C15orf61: variants seen among roughly 807,000 people sequenced by gnomAD.
C15orf61 encodes chromosome 15 open reading frame 61.
C15orf61 carries 12 observed loss-of-function variants against 13.7 expected under a neutral mutation model. The ratio of observed to expected loss-of-function variants is 0.88; its 90% CI spans 0.56 to 1.42. The LOEUF is 1.42. Ranked by LOEUF, C15orf61 falls within the 40% of genes most tolerant of loss-of-function variation. The pLI is 0.00. For synonymous variants in C15orf61, 92 were observed against 94.1 expected (o/e 0.98, Z 0.13); for missense variants, 248 against 213.2 (o/e 1.16, Z -1.02).
At position 67,521,466 on chromosome 15, in the gene C15orf61, A is replaced by G. The variant is rs2084161476; in HGVS notation, c.218A>G (p.Gln73Arg). 6.5e-7 allele frequency: 1 copy of G among 1,548,220 alleles called. No homozygotes were observed. The highest frequency in any genetic ancestry group is 8.7e-7 in the Non-Finnish European group (1 of 1,146,744). The change falls in exon 1 of 2, where the codon CAG becomes CGG. Residue 73 changes from glutamine (Q) to arginine (R), a missense_variant. Gln to Arg is a conservative substitution (Grantham distance 43, BLOSUM62 1). Coordinates refer to ENST00000342683, the MANE Select transcript of C15orf61 (RefSeq NM_001143936.2). ...CTCTCGCACTTCAACTGGCCGGTGC[A>G]GGGCGCCAACTACCACGTCCTGCGC... ...FGLSHFNWPV[Q>R]GANYHVLRTG...
chr15:67,523,108 A>C (rs1200533704), intron 1 of C15orf61, among the ~76,000 whole-genome samples: 1 of 152,224 alleles, frequency 6.6e-6, no homozygotes, highest in Non-Finnish European at 1.5e-5. Flanking sequence ...ACATTCTAAA[A>C]ATCCTGCTAA....
At chr15:67,522,251 A>G (rs1416850909) in intron 1 of C15orf61, 8 of 700,490 alleles carry the variant, frequency 1.1e-5, no homozygotes, top group East Asian at 2.7e-5. Context: ...AGGTACGAAC[A>G]TGGACATGGG....
At position 67,521,263 on chromosome 15, in the gene C15orf61, G is replaced by A; in HGVS notation, c.15G>A (p.Arg5=). 1 of 1,391,940 alleles carries A rather than the reference G, an allele frequency of 7.2e-7. No individual in the cohort carries two copies. The highest frequency in any genetic ancestry group is 9.3e-7 in the Non-Finnish European group (1 of 1,074,030). The allele number at this position is 1,391,940 out of a possible 1,614,324, so 86.2% of individuals were successfully genotyped here. The change falls in exon 1 of 2, where the codon AGG becomes AGA. Residue 5 remains arginine, a synonymous_variant. Coordinates refer to ENST00000342683, the MANE Select transcript of C15orf61 (RefSeq NM_001143936.2). The part of the protein sequence containing the change: MEAL[R]RAHEVALRLL... The stretch of plus-strand genomic sequence containing the variant: ...CGCGGCGGGCCATGGAGGCCCTGAG[G>A]AGGGCCCACGAGGTCGCGCTCCGCC...
chr15:67,526,614 TC>T lies in C15orf61; in HGVS notation c.*71del. On this transcript the variant is annotated 3_prime_UTR_variant, in exon 2 of 2. Coordinates refer to ENST00000342683, the MANE Select transcript of C15orf61 (RefSeq NM_001143936.2). ...GTATATGTGCAGTATTTATTTTTGA[TC>T]CTTTAAAATAAAACTTTTGCAAATA... The T allele has an allele frequency of 7.5e-7, 1 of 1,339,660 alleles. No homozygotes were observed. The highest frequency in any genetic ancestry group is 1.9e-5 in the South Asian group (1 of 52,810). 83.0% of individuals were successfully genotyped at this position (1,339,660 alleles called of 1,614,324 possible). A position where few individuals can be genotyped will look rare whatever the true frequency, so the allele number is the denominator to read the frequency against.
rs1187574821 is a variant in C15orf61, at chr15:67,526,569, T to C, written c.*24T>C. 4.0e-6 allele frequency: 6 copies of C among 1,483,694 alleles called. No homozygotes were observed. The highest frequency in any genetic ancestry group is 5.4e-6 in the Non-Finnish European group (6 of 1,111,444). 91.9% of individuals were successfully genotyped at this position (1,483,694 alleles called of 1,614,324 possible). A position where few individuals can be genotyped will look rare whatever the true frequency, so the allele number is the denominator to read the frequency against. Reference sequence around the variant, plus strand: ...GAAAGTGTGCGTCAAAGAACATAAATATCAGTGGATTTTCTCTGTGTATAT... The same window carrying C: ...GAAAGTGTGCGTCAAAGAACATAAACATCAGTGGATTTTCTCTGTGTATAT... On this transcript the variant is annotated 3_prime_UTR_variant, in exon 2 of 2. Transcript: ENST00000342683.
At position 67,527,037 on chromosome 15, in the gene C15orf61, G is replaced by C. The variant is rs907126710; in HGVS notation, c.*492G>C. 1.3e-5 allele frequency: 2 copies of C among 152,200 alleles called. No homozygotes were observed. The highest frequency in any genetic ancestry group is 4.8e-5 in the African/African-American group (2 of 41,460). The allele number at this position is 152,200 out of a possible 1,614,324, so 9.4% of individuals were successfully genotyped here. A position where few individuals can be genotyped will look rare whatever the true frequency, so the allele number is the denominator to read the frequency against. On this transcript the variant is annotated 3_prime_UTR_variant, in exon 2 of 2. Transcript: ENST00000342683. ...CAAGTCTAAACCATTCAGCTGCCAG[G>C]ATTGTAAATAGAAACGTTTTAAAGG...
At position 67,527,136 on chromosome 15, in the gene C15orf61, C is replaced by T. The variant is rs2084203345; in HGVS notation, c.*591C>T. On this transcript the variant is annotated 3_prime_UTR_variant, in exon 2 of 2. Coordinates refer to ENST00000342683, the MANE Select transcript of C15orf61 (RefSeq NM_001143936.2). Reference sequence around the variant, plus strand: ...TCTTGTTGCTTAAAGAGTCCAAAACCATATCGTTTGTAAAATGTAATAATA... The same window carrying T: ...TCTTGTTGCTTAAAGAGTCCAAAACTATATCGTTTGTAAAATGTAATAATA... 1 of 152,094 alleles carries T rather than the reference C, an allele frequency of 6.6e-6. No individual in the cohort carries two copies. The highest frequency in any genetic ancestry group is 2.4e-5 in the African/African-American group (1 of 41,418). The allele number at this position is 152,094 out of a possible 1,614,324, so 9.4% of individuals were successfully genotyped here.
chr15:67,522,372 G>T, intron 1 of C15orf61: 1 of 640,156 alleles, frequency 1.6e-6, no homozygotes, highest in Non-Finnish European at 2.8e-6. Flanking sequence ...TAGCCATGGA[G>T]CTGAATGAAC....
At chr15:67,522,030 T>C in intron 1 of C15orf61, 1 of 699,668 alleles carries the variant, frequency 1.4e-6, no homozygotes, top group Non-Finnish European at 2.6e-6. Context: ...ACTACTCTTT[T>C]AAGTTTCTTT....
chr15:67,522,261 G>C (rs2084170910), intron 1 of C15orf61: 3 of 700,218 alleles, frequency 4.3e-6, no homozygotes, highest in Non-Finnish European at 7.8e-6. Context: ...ATGGACATGG[G>C]TGTATCTTTT....
chr15:67,525,194 T>G lies in C15orf61; in HGVS notation c.347-1224T>G, dbSNP rs549092771. Among the ~76,000 whole-genome samples the G allele has an allele frequency of 1.3e-5, 2 of 152,362 alleles. No homozygotes were observed. Among genetic ancestry groups the G allele is most frequent in the Admixed American group, 6.5e-5 (1 of 15,302 alleles). On this transcript the variant is annotated intron_variant, in intron 1 of 1. Coordinates refer to ENST00000342683, the MANE Select transcript of C15orf61 (RefSeq NM_001143936.2). This position sits in a 1 kb window ranked among gnomAD's most constrained non-coding sequence, Gnocchi z 4.9. ...CAAATGTACAGCTATCCTTTTAAAGTGTCACTTTCTGCCCATTTCCCACAT... is the reference window on the plus strand; with the variant it reads ...CAAATGTACAGCTATCCTTTTAAAGGGTCACTTTCTGCCCATTTCCCACAT...
At position 67,525,614 on chromosome 15, in the gene C15orf61, A is replaced by C. The variant is rs1596529373; in HGVS notation, c.347-804A>C. Among the ~76,000 whole-genome samples, 1 of 152,216 alleles carries C rather than the reference A, an allele frequency of 6.6e-6. No homozygotes were observed. Among genetic ancestry groups the C allele is most frequent in the African/African-American group, 2.4e-5 (1 of 41,466 alleles). ...CTCATGCCTGTTGTACTGAAATCTT[A>C]CTTGGAGTTAGGTTTTGCTTTAGAT... On this transcript the variant is annotated intron_variant, in intron 1 of 1. Coordinates refer to ENST00000342683, the MANE Select transcript of C15orf61 (RefSeq NM_001143936.2). The surrounding 1 kb of genome is among the most constrained non-coding windows in gnomAD (Gnocchi z 4.9).
intron 1 of C15orf61, among the ~76,000 whole-genome samples, chr15:67,523,152 GACA>G (rs1197176102): frequency 2.6e-5 from 4 of 152,118 alleles, no homozygotes; most frequent in Admixed American, 2.6e-4. Context: ...AAGCAAAAAG[GACA>G]ACTTTTTGCT....
Position 67,521,204 on chromosome 15 carries a change from G to GCCAGCGGCTGCGGACA in C15orf61, c.-39_-24dup. The GCCAGCGGCTGCGGACA allele has an allele frequency of 8.5e-7, 1 of 1,170,564 alleles. No individual in the cohort carries two copies. The allele number at this position is 1,170,564 out of a possible 1,614,324, so 72.5% of individuals were successfully genotyped here. A position where few individuals can be genotyped will look rare whatever the true frequency, so the allele number is the denominator to read the frequency against. ...CGCTCGCCCGGGGGCGCGCTTGCGC[G>GCCAGCGGCTGCGGACA]CCAGCGGCTGCGGACACCAGCCTGC... On this transcript the variant is annotated 5_prime_UTR_variant, in exon 1 of 2. Transcript: ENST00000342683.
intron 1 of C15orf61, 95 bp from the exon 2 acceptor site, chr15:67,526,323 G>T: frequency 2.8e-6 from 2 of 710,768 alleles, no homozygotes; most frequent in Non-Finnish European, 4.3e-6. Flanking sequence ...TTATCACATT[G>T]TAATTTGTTA....
rs2084211374 is a variant in C15orf61 at position 67,528,560 on chromosome 15, TCTTGTAAA to T, written c.*2022_*2029del. 6.6e-6 allele frequency: 1 copy of T among 152,352 alleles called. No individual in the cohort carries two copies. Among genetic ancestry groups the T allele is most frequent in the Admixed American group, 6.5e-5 (1 of 15,302 alleles). The allele number at this position is 152,352 out of a possible 1,614,324, so 9.4% of individuals were successfully genotyped here. ...AATATCATTCATTGGATTTATTAAG[TCTTGTAAA>T]CTTGTAGTCTGAAAACAATACTTCC... On this transcript the variant is annotated 3_prime_UTR_variant, in exon 2 of 2. Coordinates refer to ENST00000342683, the MANE Select transcript of C15orf61 (RefSeq NM_001143936.2).
At chr15:67,524,606 C>T (rs985354773) in intron 1 of C15orf61, among the ~76,000 whole-genome samples, 8 of 152,112 alleles carry the variant, frequency 5.3e-5, no homozygotes, top group Admixed American at 2.6e-4. Context: ...AGAGAGATGC[C>T]AGCCTGAATG....
In C15orf61 at chr15:67,521,460, C is replaced by T; in HGVS notation, c.212C>T (p.Pro71Leu). ...DQFGLSHFNWPVQGANYHVLR... is the reference protein window; with the variant it reads ...DQFGLSHFNWLVQGANYHVLR... Reference sequence around the variant, plus strand: ...TTCGGCCTCTCGCACTTCAACTGGCCGGTGCAGGGCGCCAACTACCACGTC... The same window carrying T: ...TTCGGCCTCTCGCACTTCAACTGGCTGGTGCAGGGCGCCAACTACCACGTC... Residue 71 changes from proline to leucine, a missense_variant, in exon 1 of 2, where the codon CCG (proline) becomes CTG (leucine). Coordinates refer to ENST00000342683, the MANE Select transcript of C15orf61 (RefSeq NM_001143936.2). 2 of 1,548,022 alleles carry T rather than the reference C, an allele frequency of 1.3e-6. No homozygotes were observed. Among genetic ancestry groups the T allele is most frequent in the Non-Finnish European group, 1.7e-6 (2 of 1,146,752 alleles).
chr15:67,524,982 A>G (rs960453715), intron 1 of C15orf61, among the ~76,000 whole-genome samples: 3 of 151,814 alleles, frequency 2.0e-5, no homozygotes, highest in Admixed American at 6.6e-5. Flanking sequence ...GATTATAGGC[A>G]TGCGCCATCA....
Sources: gnomAD v4.1 joint callset for allele counts (sites outside exome capture counted in the v4.1 genomes callset) on GRCh38, gnomAD v4.1.1 for gene constraint, Gnocchi (gnomAD v3.1) non-coding constraint, MANE v1.5 for transcripts, NCBI Gene and HGNC (gene_info 2026-07-23, HGNC 2026-07-21) for gene names.